SVOP: variants seen among roughly 807,000 people sequenced by gnomAD.
The protein encoded by SVOP is synaptic vesicle 2-related protein.
In SVOP, 17 loss-of-function variants were observed where a neutral mutation model predicts 69.1. That is an observed-to-expected ratio of 0.25 (90% CI 0.17 to 0.37). The LOEUF (loss-of-function observed/expected upper bound fraction) is 0.37. SVOP is among the 10% of genes least tolerant of loss of function. SVOP has a pLI of 1.00. For missense variants in SVOP, 435 were observed against 597.5 expected, an observed-to-expected ratio of 0.73 and a Z score of 2.84; for synonymous variants, 238 against 238.6, an observed-to-expected ratio of 1.00 and a Z score of 0.02.
intron 6 of SVOP, 55 bp downstream of exon 6, chr12:108,960,868 A>G: frequency 6.6e-7 from 1 of 1,525,618 alleles, no homozygotes; most frequent in Non-Finnish European, 8.8e-7. Flanking sequence ...CAGACCATGA[A>G]CAGACACGTG....
At chr12:108,922,308 C>T (rs1304987183) in intron 12 of SVOP, among the ~76,000 whole-genome samples, 2 of 152,196 alleles carry the variant, frequency 1.3e-5, no homozygotes, top group Non-Finnish European at 2.9e-5. Flanking sequence ...GGTTCCCCAG[C>T]TGTGTTGAAA....
chr12:108,970,510 T>C (rs1194346352), intron 5 of SVOP, among the ~76,000 whole-genome samples: 1 of 152,252 alleles, frequency 6.6e-6, no homozygotes, highest in African/African-American at 2.4e-5. Flanking sequence ...GCCTGTTACC[T>C]ACCCAGCATC....
At chr12:108,996,266 G>C (rs1332167007) in intron 1 of SVOP, among the ~76,000 whole-genome samples, 1 of 152,128 alleles carries the variant, frequency 6.6e-6, no homozygotes, top group African/African-American at 2.4e-5. Context: ...AAAAACTTAC[G>C]TGTGGTCCTG....
At chr12:108,955,193 T>C (rs539391047) in intron 6 of SVOP, among the ~76,000 whole-genome samples, 48 of 152,370 alleles carry the variant, frequency 3.2e-4, no homozygotes, top group Non-Finnish European at 1.5e-4. Flanking sequence ...GAAAATCCAG[T>C]GACTGTTTGA....
chr12:108,922,485 A>G (rs2039755155), intron 12 of SVOP, among the ~76,000 whole-genome samples: 1 of 152,196 alleles, frequency 6.6e-6, no homozygotes, highest in Non-Finnish European at 1.5e-5. Context: ...GAAACTGGGC[A>G]GCTTAACTTG....
At chr12:108,922,432 T>C (rs2039754630) in intron 12 of SVOP, among the ~76,000 whole-genome samples, 1 of 152,200 alleles carries the variant, frequency 6.6e-6, no homozygotes, top group African/African-American at 2.4e-5. Context: ...TAATAGTCTT[T>C]TGTCTCTGAC....
chr12:108,953,397 C>T (rs1228892419), intron 6 of SVOP, among the ~76,000 whole-genome samples: 5 of 148,952 alleles, frequency 3.4e-5, no homozygotes, highest in Admixed American at 6.7e-5. Context: ...ATCTGCCCGC[C>T]TCAGCCTCCC....
At chr12:108,938,679 C>T (rs1593183666) in intron 9 of SVOP, 148 bp downstream of exon 9, 1 of 1,298,826 alleles carries the variant, frequency 7.7e-7, no homozygotes, top group Non-Finnish European at 1.1e-6. Context: ...CTACTGGGCC[C>T]TCATCTGCTC....
chr12:108,940,811 C>A lies in SVOP; in HGVS notation c.741G>T (p.Pro247=). The A allele has an allele frequency of 6.5e-7, 1 of 1,537,148 alleles. No homozygotes were observed. The highest frequency in any genetic ancestry group is 8.7e-7 in the Non-Finnish European group (1 of 1,146,864). Residue 247 remains proline (P), a synonymous_variant, in exon 8 of 16, where the codon CCG becomes CCT. Coordinates refer to ENST00000610966, the MANE Select transcript of SVOP (RefSeq NM_018711.5). The part of the protein sequence containing the change: ...WRWLLILSAV[P]LLLFAVLCFW... ...AACACAGCACGGCAAAGAGGAGGAG[C>A]GGGACAGCTGAGAGGATGAGCAGCC...
chr12:108,986,445 T>C (rs1364326538), intron 1 of SVOP, among the ~76,000 whole-genome samples: 1 of 152,200 alleles, frequency 6.6e-6, no homozygotes, highest in East Asian at 1.9e-4. Flanking sequence ...ATTTCAAGCA[T>C]ATAAAATTAC....
rs1012183020 is a variant in SVOP, at chr12:108,983,513, C to T, written c.196+88G>A. ...GGCCCCCTGGGCCCTCCCAACTGCC[C>T]CTTCACATTACCCCTCTGAAATTGC... On this transcript the variant is annotated intron_variant, in intron 2 of 15. Coordinates refer to ENST00000610966, the MANE Select transcript of SVOP (RefSeq NM_018711.5). The T allele has an allele frequency of 3.2e-4, 129 of 398,576 alleles. 1 individual carries two copies. Among genetic ancestry groups the T allele is most frequent in the Non-Finnish European group, 1.8e-5 (4 of 226,148 alleles). 24.7% of individuals were successfully genotyped at this position (398,576 alleles called of 1,614,324 possible).
chr12:108,944,025 C>A (rs1566053703), intron 7 of SVOP, among the ~76,000 whole-genome samples: 1 of 151,942 alleles, frequency 6.6e-6, no homozygotes, highest in Non-Finnish European at 1.5e-5. Flanking sequence ...GGTATTACAG[C>A]CCACCACCAC....
At chr12:108,915,949 CA>C (rs1166460142) in intron 14 of SVOP, 77 bp from the exon 15 acceptor site, 22 of 1,373,874 alleles carry the variant, frequency 1.6e-5, no homozygotes, top group Non-Finnish European at 2.1e-5. Context: ...CTGATAGGAC[CA>C]ACCTCAGGGG....
intron 1 of SVOP, among the ~76,000 whole-genome samples, chr12:108,992,283 G>A (rs74218643): frequency 0.89 from 134,909 of 151,704 alleles, 61,099 homozygotes; most frequent in Non-Finnish European, 0.99. Context: ...GCTCACACCT[G>A]TAATCCCAGC....
chr12:108,915,877 A>G lies in SVOP; in HGVS notation c.1351-5T>C. ...CCGCGTTGCCGTGGGGTAGACCTGA[A>G]ACACAGCAGCCGGATATAGGCATGG... is the stretch of plus-strand genomic sequence containing the variant. On this transcript the variant is annotated splice_polypyrimidine_tract_variant and splice_region_variant and intron_variant, in intron 14 of 15. Transcript: ENST00000610966. 6.3e-7 allele frequency: 1 copy of G among 1,596,956 alleles called. No individual in the cohort carries two copies. Among genetic ancestry groups the G allele is most frequent in the South Asian group, 1.1e-5 (1 of 88,236 alleles).
chr12:108,949,701 CTTT>C (rs375186844), intron 6 of SVOP, among the ~76,000 whole-genome samples: 3 of 147,796 alleles, frequency 2.0e-5, no homozygotes, highest in African/African-American at 7.4e-5. Flanking sequence ...TTCTTTCCTT[CTTT>C]TTTTTTTTCT....
intron 5 of SVOP, among the ~76,000 whole-genome samples, chr12:108,965,002 C>A (rs147664122): frequency 0.014 from 2,099 of 152,074 alleles, 67 homozygotes; most frequent in East Asian, 0.067. Flanking sequence ...ACATGTTGAA[C>A]ACATGCTGTG....
At chr12:108,949,628 C>T (rs1183677521) in intron 6 of SVOP, among the ~76,000 whole-genome samples, 5 of 151,988 alleles carry the variant, frequency 3.3e-5, no homozygotes, top group Admixed American at 6.6e-5. Context: ...AACTAACATG[C>T]TATTTCTTTC....
At chr12:108,934,087 C>CA (rs1192636614) in intron 11 of SVOP, 108 bp downstream of exon 11, 1 of 943,900 alleles carries the variant, frequency 1.1e-6, no homozygotes, top group Admixed American at 2.6e-5. Flanking sequence ...AGAAGTAGTA[C>CA]AAGGCCAATC....
Sources: gnomAD v4.1 joint callset for allele counts (sites outside exome capture counted in the v4.1 genomes callset) on GRCh38, gnomAD v4.1.1 for gene constraint, MANE v1.5 for transcripts, NCBI Gene and HGNC (gene_info 2026-07-23, HGNC 2026-07-21) for gene names.